Variants in CSMD2 observed in about 807,000 individuals in gnomAD.
CSMD2 encodes the protein CUB and sushi domain-containing protein 2.
Under a neutral mutation model 398.5 loss-of-function variants are expected in CSMD2, and 130 were observed. The observed-to-expected ratio is 0.33, with a 90% CI of 0.28 to 0.38. CSMD2 has a LOEUF of 0.38. Among genes scored for constraint, CSMD2 ranks in the 10% least tolerant of loss-of-function variants. The probability of loss-of-function intolerance (pLI) is 1.00; values close to 1 mark genes in which losing one functional copy is unlikely to be tolerated. For synonymous variants in CSMD2, 1,828 were observed against 1,908.5 expected (o/e 0.96, Z 1.10); for missense variants, 3,829 against 4,764.9 (o/e 0.80, Z 5.78).
chr1:33,980,621 C>T (rs926582340), intron 3 of CSMD2, among the ~76,000 whole-genome samples: 5 of 152,188 alleles, frequency 3.3e-5, no homozygotes, highest in Non-Finnish European at 5.9e-5. Flanking sequence ...GCTCCAGTTC[C>T]TCCATTCATC....
chr1:33,807,976 T>C (rs897416939), intron 10 of CSMD2, among the ~76,000 whole-genome samples: 2 of 152,062 alleles, frequency 1.3e-5, no homozygotes, highest in Non-Finnish European at 2.9e-5. Context: ...ATGCAATGGA[T>C]GGAGGGAAAA....
chr1:33,566,912 A>G (rs1310100180), intron 53 of CSMD2, among the ~76,000 whole-genome samples: 4 of 152,212 alleles, frequency 2.6e-5, no homozygotes, highest in Non-Finnish European at 5.9e-5. Context: ...CATAGACAAC[A>G]TAATCAATCA....
At chr1:34,121,313 G>A (rs1054224832) in intron 1 of CSMD2, among the ~76,000 whole-genome samples, 2 of 152,192 alleles carry the variant, frequency 1.3e-5, no homozygotes, top group African/African-American at 4.8e-5. Flanking sequence ...AGATCAGCTT[G>A]AGAAGTACGA....
chr1:33,952,198 A>G (rs1645028097), intron 3 of CSMD2, among the ~76,000 whole-genome samples: 1 of 152,236 alleles, frequency 6.6e-6, no homozygotes, highest in Non-Finnish European at 1.5e-5. Context: ...GCAATGTGTG[A>G]AATGCCACCA....
intron 53 of CSMD2, among the ~76,000 whole-genome samples, chr1:33,566,871 T>C (rs958142915): frequency 6.6e-6 from 1 of 151,764 alleles, no homozygotes; most frequent in Non-Finnish European, 1.5e-5. Context: ...ATAAAACAGA[T>C]TGAGTGGGTG....
chr1:33,652,206 C>A (rs1643793806), intron 28 of CSMD2, 117 bp downstream of exon 28: 2 of 1,062,626 alleles, frequency 1.9e-6, no homozygotes, highest in South Asian at 1.6e-5. Flanking sequence ...GGCTTCTTCA[C>A]CTCCCTGGAG....
rs574047291 is a variant in CSMD2, at chr1:33,626,419, C to T, written c.5296+67G>A. 17 of 1,152,870 alleles carry T rather than the reference C, an allele frequency of 1.5e-5. No homozygotes were observed. In the East Asian group the frequency reaches 4.1e-4, roughly 28 times the overall value. 71.4% of individuals were successfully genotyped at this position (1,152,870 alleles called of 1,614,324 possible). A position where few individuals can be genotyped will look rare whatever the true frequency, so the allele number is the denominator to read the frequency against. ...AGACTAGAGGTCAAAGATCCCTGTC[C>T]CTTCGATCACGAGTCCCTTAAGAAC... is the stretch of plus-strand genomic sequence containing the variant. On this transcript the variant is annotated intron_variant, in intron 33 of 70. Coordinates refer to ENST00000373381, the MANE Select transcript of CSMD2 (RefSeq NM_001281956.2).
intron 2 of CSMD2, among the ~76,000 whole-genome samples, chr1:34,051,054 C>T (rs545409571): frequency 6.6e-6 from 1 of 152,296 alleles, no homozygotes; most frequent in Non-Finnish European, 1.5e-5. Flanking sequence ...CTATGCTAGC[C>T]AGGGTGATTG....
At chr1:33,953,449 C>T (rs575136975) in intron 3 of CSMD2, among the ~76,000 whole-genome samples, 6 of 152,346 alleles carry the variant, frequency 3.9e-5, no homozygotes, top group Non-Finnish European at 7.3e-5. Context: ...CAACTTGCAA[C>T]GTTTCCATGA....
Position 33,514,862 on chromosome 1 carries a change from C to T in CSMD2, c.*1762G>A, listed in dbSNP as rs934797415. The stretch of plus-strand genomic sequence containing the variant: ...GTGTCTGCTGGAAATGGACGCCTCT[C>T]ACTTTCCTCTGGCCACTCTTAACAT... On this transcript the variant is annotated 3_prime_UTR_variant, in exon 71 of 71. Coordinates refer to ENST00000373381, the MANE Select transcript of CSMD2 (RefSeq NM_001281956.2). 3.9e-5 allele frequency: 6 copies of T among 152,150 alleles called. No homozygotes were observed. The highest frequency in any genetic ancestry group is 1.4e-4 in the African/African-American group (6 of 41,438). 9.4% of individuals were successfully genotyped at this position (152,150 alleles called of 1,614,324 possible).
At chr1:33,964,349 C>T (rs1645480191) in intron 3 of CSMD2, among the ~76,000 whole-genome samples, 1 of 152,146 alleles carries the variant, frequency 6.6e-6, no homozygotes, top group African/African-American at 2.4e-5. Flanking sequence ...CTTAAATCAG[C>T]CCCTGGCACA....
At position 33,792,612 on chromosome 1, in the gene CSMD2, T is replaced by C. The variant is rs1569967432; in HGVS notation, c.1447-86A>G. The C allele has an allele frequency of 3.8e-5, 32 of 844,846 alleles. No individual in the cohort carries two copies. The East Asian group carries it at 7.9e-4, about 21-fold the overall frequency. The allele number at this position is 844,846 out of a possible 1,614,324, so 52.3% of individuals were successfully genotyped here. ...TGAGGGGAGGAAGGATTTTCTGTGT[T>C]ATGTCCCAATGCTCAGAGTCACTGG... On this transcript the variant is annotated intron_variant, in intron 10 of 70. Transcript: ENST00000373381.
intron 1 of CSMD2, among the ~76,000 whole-genome samples, chr1:34,108,181 A>G (rs1302154179): frequency 6.6e-6 from 1 of 152,210 alleles, no homozygotes; most frequent in African/African-American, 2.4e-5. Context: ...CCTAAAGAAA[A>G]TAGGCAACTT....
intron 10 of CSMD2, among the ~76,000 whole-genome samples, chr1:33,808,919 GAGAT>G (rs1487759016): frequency 7.3e-5 from 11 of 151,396 alleles, no homozygotes; most frequent in Admixed American, 7.2e-4. Flanking sequence ...ACTATAATAA[GAGAT>G]AGTATGTATA....
chr1:33,872,606 G>A (rs866190031), intron 5 of CSMD2, among the ~76,000 whole-genome samples: 2 of 152,112 alleles, frequency 1.3e-5, no homozygotes, highest in South Asian at 2.1e-4. Flanking sequence ...AAATTTGTGG[G>A]TTTGTTTTTT....
chr1:33,584,327 T>C (rs144426470), intron 46 of CSMD2, among the ~76,000 whole-genome samples: 20 of 152,334 alleles, frequency 1.3e-4, no homozygotes, highest in Non-Finnish European at 2.4e-4. Context: ...GGCTTCTCTA[T>C]CTCCAACACA....
In CSMD2 at chr1:33,982,700, T is replaced by C. The variant is rs147285905; in HGVS notation, c.518-46746A>G. On this transcript the variant is annotated intron_variant, in intron 3 of 70. Coordinates refer to ENST00000373381, the MANE Select transcript of CSMD2 (RefSeq NM_001281956.2). The stretch of plus-strand genomic sequence containing the variant: ...CAGTTGGTGGAGGAAAGGATATCCC[T>C]GGCAGAGGGAGCAGCAGGTGCACAG... 4.8e-3 allele frequency among the ~76,000 whole-genome samples: 738 copies of C among 152,268 alleles called. 7 individuals carry two copies. The highest frequency in any genetic ancestry group is 0.017 in the African/African-American group (693 of 41,542).
At chr1:34,099,202 G>A (rs1659706650) in intron 1 of CSMD2, among the ~76,000 whole-genome samples, 1 of 152,106 alleles carries the variant, frequency 6.6e-6, no homozygotes, top group Non-Finnish European at 1.5e-5. Context: ...CTTTGCTCCT[G>A]TCCCTAAAAC....
chr1:33,827,790 C>T (rs1658997868), intron 6 of CSMD2, among the ~76,000 whole-genome samples: 1 of 152,176 alleles, frequency 6.6e-6, no homozygotes, highest in Non-Finnish European at 1.5e-5. Flanking sequence ...AGGTGACTTG[C>T]TGTAAGTCAC....
Sources: allele counts gnomAD v4.1 joint callset (sites outside exome capture counted in the v4.1 genomes callset), GRCh38; gene constraint gnomAD v4.1.1; transcripts MANE v1.5; gene names NCBI Gene and HGNC (gene_info 2026-07-23, HGNC 2026-07-21).